Variants in RAD51B observed in about 807,000 individuals in gnomAD.
RAD51B encodes the protein DNA repair protein RAD51 homolog 2.
A neutral mutation model predicts 42.2 loss-of-function variants in RAD51B; 38 were observed. The ratio of observed to expected loss-of-function variants is 0.90; its 90% CI spans 0.70 to 1.18. The LOEUF (loss-of-function observed/expected upper bound fraction) is 1.18. Ranked by LOEUF, RAD51B falls within the 50% of genes most tolerant of loss-of-function variation. The probability of loss-of-function intolerance (pLI) is 0.00; values close to 1 mark genes in which losing one functional copy is unlikely to be tolerated. For synonymous variants in RAD51B, 154 were observed against 145.2 expected, an observed-to-expected ratio of 1.06 and a Z score of -0.43; for missense variants, 373 against 400.7, an observed-to-expected ratio of 0.93 and a Z score of 0.59.
intron 10 of RAD51B, among the ~76,000 whole-genome samples, chr14:68,510,636 C>T (rs1196842458): frequency 6.6e-6 from 1 of 152,174 alleles, no homozygotes; most frequent in Non-Finnish European, 1.5e-5. Flanking sequence ...CATCAGCTGC[C>T]GTCCCGAGGC....
At chr14:68,372,428 T>G (rs930368313) in intron 8 of RAD51B, among the ~76,000 whole-genome samples, 5 of 151,920 alleles carry the variant, frequency 3.3e-5, no homozygotes, top group African/African-American at 1.2e-4. Flanking sequence ...AAAGAGAACA[T>G]GTAGTAATGC....
At chr14:68,620,714 G>A (rs1220505362) in intron 10 of RAD51B, among the ~76,000 whole-genome samples, 16 of 152,204 alleles carry the variant, frequency 1.1e-4, no homozygotes, top group Non-Finnish European at 2.4e-4. Context: ...ATTCTCAAGT[G>A]AATCTAAAGT....
intron 8 of RAD51B, among the ~76,000 whole-genome samples, chr14:68,365,508 T>A (rs2083124203): frequency 2.6e-5 from 4 of 152,346 alleles, no homozygotes; most frequent in African/African-American, 9.6e-5. Flanking sequence ...CTGGAGAAAC[T>A]GAGATGAGGC....
chr14:67,985,702 G>A (rs962941710), intron 7 of RAD51B, among the ~76,000 whole-genome samples: 4 of 150,684 alleles, frequency 2.7e-5, no homozygotes, highest in African/African-American at 9.8e-5. Context: ...TTGCGTTCCA[G>A]ACCAGCCTGT....
At chr14:68,084,937 G>A (rs1194429633) in intron 7 of RAD51B, among the ~76,000 whole-genome samples, 1 of 152,166 alleles carries the variant, frequency 6.6e-6, no homozygotes, top group East Asian at 1.9e-4. Flanking sequence ...TGGTTGCCTG[G>A]GTTTTGGTAG....
At chr14:68,419,141 GT>G in intron 9 of RAD51B, among the ~76,000 whole-genome samples, 1 of 152,278 alleles carries the variant, frequency 6.6e-6, no homozygotes, top group African/African-American at 2.4e-5. Flanking sequence ...GTGTTCTTCA[GT>G]TTCATACTCC....
At chr14:68,147,784 A>G (rs574779846) in intron 7 of RAD51B, among the ~76,000 whole-genome samples, 16 of 142,212 alleles carry the variant, frequency 1.1e-4, no homozygotes. Context: ...TGGAACCAAA[A>G]AAGATAAAGC....
At chr14:68,589,705 C>T (rs1329218085) in intron 10 of RAD51B, among the ~76,000 whole-genome samples, 3 of 152,214 alleles carry the variant, frequency 2.0e-5, no homozygotes, top group Non-Finnish European at 4.4e-5. Flanking sequence ...CTTATGACTT[C>T]AACAGATGTT....
chr14:68,252,230 T>C (rs2080649186), intron 7 of RAD51B, among the ~76,000 whole-genome samples: 2 of 152,198 alleles, frequency 1.3e-5, no homozygotes, highest in Non-Finnish European at 2.9e-5. Context: ...TAGAGAATGA[T>C]TACGTTCTGA....
At chr14:68,631,696 C>T (rs1892231062) in intron 10 of RAD51B, among the ~76,000 whole-genome samples, 1 of 152,202 alleles carries the variant, frequency 6.6e-6, no homozygotes. Flanking sequence ...GCCATGCTGT[C>T]ACTGGCAGCC....
At chr14:68,538,641 T>C (rs1400669654) in intron 10 of RAD51B, among the ~76,000 whole-genome samples, 1 of 152,172 alleles carries the variant, frequency 6.6e-6, no homozygotes, top group African/African-American at 2.4e-5. Flanking sequence ...TTTTTTTTTT[T>C]TCTTTTTTAA....
intron 7 of RAD51B, among the ~76,000 whole-genome samples, chr14:67,910,779 AAGAT>A (rs1337644773): frequency 6.6e-6 from 1 of 152,004 alleles, no homozygotes; most frequent in Admixed American, 6.6e-5. Flanking sequence ...GGCTGAATAA[AAGAT>A]AGAATCCTTA....
chr14:68,555,215 T>C (rs1283506644), intron 10 of RAD51B, among the ~76,000 whole-genome samples: 5 of 152,240 alleles, frequency 3.3e-5, no homozygotes. Context: ...ATGTGCTGGT[T>C]CCTTCTCTCT....
At chr14:68,159,759 G>A (rs369967794) in intron 7 of RAD51B, among the ~76,000 whole-genome samples, 7 of 151,766 alleles carry the variant, frequency 4.6e-5, no homozygotes, top group South Asian at 2.1e-4. Flanking sequence ...TTTCTTTAGC[G>A]TTAATATATT....
At chr14:68,488,874 C>T (rs960592504) in intron 10 of RAD51B, among the ~76,000 whole-genome samples, 1 of 152,206 alleles carries the variant, frequency 6.6e-6, no homozygotes, top group Non-Finnish European at 1.5e-5. Context: ...GGATGCTGAC[C>T]TCATGTTGCC....
At chr14:68,198,378 T>C (rs1331501253) in intron 7 of RAD51B, among the ~76,000 whole-genome samples, 1 of 152,178 alleles carries the variant, frequency 6.6e-6, no homozygotes, top group Non-Finnish European at 1.5e-5. Context: ...TAGTGCGAGT[T>C]CTCTGACTTT....
chr14:68,652,121 C>T (rs767892849), intron 11 of RAD51B, among the ~76,000 whole-genome samples: 2 of 152,164 alleles, frequency 1.3e-5, no homozygotes, highest in South Asian at 4.1e-4. Context: ...CTGTTCCTTT[C>T]TTATAATTCA....
chr14:67,854,712 C>T (rs1038126547), intron 4 of RAD51B, among the ~76,000 whole-genome samples: 2 of 151,816 alleles, frequency 1.3e-5, no homozygotes, highest in East Asian at 1.9e-4. Context: ...CCTGTAATCC[C>T]AGCACTTTGG....
chr14:68,485,820 G>A (rs1883580864), intron 10 of RAD51B, among the ~76,000 whole-genome samples: 4 of 152,214 alleles, frequency 2.6e-5, no homozygotes, highest in African/African-American at 9.6e-5. Flanking sequence ...TGTGTTCTTA[G>A]TGCCCAAAGC....
Sources: gnomAD v4.1 joint callset for allele counts (sites outside exome capture counted in the v4.1 genomes callset) on GRCh38, gnomAD v4.1.1 for gene constraint, MANE v1.5 for transcripts, NCBI Gene and HGNC (gene_info 2026-07-23, HGNC 2026-07-21) for gene names.